Variants in NRP1 observed in about 807,000 individuals in gnomAD.
NRP1 encodes neuropilin 1.
NRP1 carries 35 observed loss-of-function variants against 106.7 expected under a neutral mutation model. The observed-to-expected ratio is 0.33, with a 90% CI of 0.25 to 0.43. The LOEUF is 0.43. Among genes scored for constraint, NRP1 ranks in the 20% least tolerant of loss-of-function variants. The pLI, the probability that NRP1 is intolerant of heterozygous loss-of-function variation, is 1.00. For missense variants in NRP1, 1,024 were observed against 1,170.4 expected (o/e 0.87, Z 1.83); for synonymous variants, 437 against 417.9 (o/e 1.05, Z -0.56).
intron 6 of NRP1, among the ~76,000 whole-genome samples, chr10:33,252,535 C>T (rs1186475428): frequency 6.6e-6 from 1 of 152,062 alleles, no homozygotes; most frequent in African/African-American, 2.4e-5. Context: ...GTTTCAGCAG[C>T]GGGGCACTGA....
At position 33,177,638 on chromosome 10, in the gene NRP1, C is replaced by T. The variant is rs1044268; in HGVS notation, c.*2438G>A. 24,880 of 152,506 alleles carry T rather than the reference C, an allele frequency of 0.16. 2,393 individuals carry two copies. Among genetic ancestry groups the T allele is most frequent in the East Asian group, 0.5 (2,566 of 5,172 alleles). 9.4% of individuals were successfully genotyped at this position (152,506 alleles called of 1,614,324 possible). ...CAAATGTCATTTAAAGTTAAGGCTTCGCTGTTCATTTTGAAACAACAATTT... is the reference window on the plus strand; with the variant it reads ...CAAATGTCATTTAAAGTTAAGGCTTTGCTGTTCATTTTGAAACAACAATTT... On this transcript the variant is annotated 3_prime_UTR_variant, in exon 17 of 17. Coordinates refer to ENST00000374867, the MANE Select transcript of NRP1 (RefSeq NM_003873.7).
At chr10:33,310,181 C>T (rs1384812152) in intron 2 of NRP1, among the ~76,000 whole-genome samples, 1 of 151,300 alleles carries the variant, frequency 6.6e-6, no homozygotes, top group African/African-American at 2.4e-5. Context: ...GATCTCCTGA[C>T]CTCATGATCT....
rs149298503 is a variant in NRP1 at position 33,292,050 on chromosome 10, C to T, written c.249-21194G>A. Among the ~76,000 whole-genome samples the T allele has an allele frequency of 3.2e-4, 49 of 152,254 alleles. No homozygotes were observed. In the East Asian group the frequency reaches 9.5e-3, roughly 29 times the overall value. On this transcript the variant is annotated intron_variant, in intron 2 of 16. Transcript: ENST00000374867. ...TCCAGAGTAGCTACGACTACAGGTG[C>T]ATGCCATCACACGTGGCTAATATTT...
In NRP1 at chr10:33,213,546, A is replaced by G. The variant is rs890641054; in HGVS notation, c.1454T>C (p.Leu485Pro). ...CTTCTCCTCCCCCAGGTCTATTTGG[A>G]GCCACTCATTGATGTAGGAATGAGG... is the stretch of plus-strand genomic sequence containing the variant. Reference protein sequence around the residue: ...PAPHSYINEWLQIDLGEEKIV... With the variant: ...PAPHSYINEWPQIDLGEEKIV... The change falls in exon 9 of 17, where the codon CTC becomes CCC. Residue 485 changes from leucine (L) to proline (P), a missense_variant. Physicochemically the swap from Leu to Pro is moderately conservative, Grantham distance 98. Coordinates refer to ENST00000374867, the MANE Select transcript of NRP1 (RefSeq NM_003873.7). 1 of 1,613,834 alleles carries G rather than the reference A, an allele frequency of 6.2e-7. No homozygotes were observed. Among genetic ancestry groups the G allele is most frequent in the Non-Finnish European group, 8.5e-7 (1 of 1,180,010 alleles).
intron 6 of NRP1, among the ~76,000 whole-genome samples, chr10:33,229,847 A>G (rs993836676): frequency 5.3e-5 from 8 of 152,184 alleles, no homozygotes; most frequent in Non-Finnish European, 1.2e-4. Context: ...CAGCAATGAA[A>G]TGCATTGGCA....
At chr10:33,203,467 T>G (rs946342613) in intron 10 of NRP1, among the ~76,000 whole-genome samples, 1 of 152,058 alleles carries the variant, frequency 6.6e-6, no homozygotes, top group African/African-American at 2.4e-5. Context: ...CCAAAGGGAG[T>G]CAACGTTCAC....
intron 7 of NRP1, 38 bp from the exon 8 acceptor site, chr10:33,221,901 T>C (rs753075034): frequency 5.7e-6 from 9 of 1,580,228 alleles, no homozygotes; most frequent in East Asian, 2.3e-5. Context: ...TTAGCAGAGG[T>C]TTTGGATTTA....
At chr10:33,274,830 C>G (rs903936687) in intron 2 of NRP1, among the ~76,000 whole-genome samples, 4 of 152,114 alleles carry the variant, frequency 2.6e-5, no homozygotes, top group African/African-American at 9.7e-5. Context: ...AATATGATGC[C>G]TGACATCATA....
At chr10:33,263,262 G>A (rs1842694786) in intron 4 of NRP1, among the ~76,000 whole-genome samples, 1 of 152,192 alleles carries the variant, frequency 6.6e-6, no homozygotes, top group South Asian at 2.1e-4. Flanking sequence ...GTGGTTTGAT[G>A]TAATGGAATT....
chr10:33,306,165 C>T (rs931810627), intron 2 of NRP1, among the ~76,000 whole-genome samples: 4 of 152,106 alleles, frequency 2.6e-5, no homozygotes, highest in Non-Finnish European at 5.9e-5. Flanking sequence ...ATTTTTCCCC[C>T]CAACTCTTTG....
rs1367359429 is a variant in NRP1 at position 33,334,549 on chromosome 10, G to A, written c.-167C>T. ...AAGCAGCGAGGCAATGCCTGGATCCGAGAGGAACGCTTCTCTTTTTGTGTC... is the reference window on the plus strand; with the variant it reads ...AAGCAGCGAGGCAATGCCTGGATCCAAGAGGAACGCTTCTCTTTTTGTGTC... On this transcript the variant is annotated 5_prime_UTR_variant, in exon 1 of 17. Coordinates refer to ENST00000374867, the MANE Select transcript of NRP1 (RefSeq NM_003873.7). 1.8e-6 allele frequency: 1 copy of A among 564,302 alleles called. No individual in the cohort carries two copies. The highest frequency in any genetic ancestry group is 3.1e-6 in the Non-Finnish European group (1 of 327,840). The allele number at this position is 564,302 out of a possible 1,614,324, so 35.0% of individuals were successfully genotyped here.
chr10:33,207,740 G>A lies in NRP1; in HGVS notation c.1615-24C>T, dbSNP rs201423916. The stretch of plus-strand genomic sequence containing the variant: ...GACTGTGAAGCATGGAAAACACAGG[G>A]CATTAAGGAAAAAAAAAAACAGAGC... On this transcript the variant is annotated intron_variant, in intron 9 of 16. Transcript: ENST00000374867. 79 of 1,597,236 alleles carry A rather than the reference G, an allele frequency of 4.9e-5. No homozygotes were observed. In the Middle Eastern group the frequency reaches 1.1e-3, roughly 22 times the overall value.
intron 6 of NRP1, among the ~76,000 whole-genome samples, chr10:33,247,419 A>G (rs1487112682): frequency 6.6e-6 from 1 of 152,200 alleles, no homozygotes; most frequent in East Asian, 1.9e-4. Flanking sequence ...TTGAATCATG[A>G]CAGAGCCATT....
intron 2 of NRP1, among the ~76,000 whole-genome samples, chr10:33,296,172 T>C: frequency 6.6e-6 from 1 of 152,214 alleles, no homozygotes; most frequent in East Asian, 1.9e-4. Context: ...TTGGAAATGT[T>C]TCCCTTTAAA....
In NRP1 at chr10:33,256,382, C is replaced by T. The variant is rs1842196440; in HGVS notation, c.748G>A (p.Asp250Asn). Reference protein sequence around the residue: ...SGILSMVFYTDSAIAKEGFSA... With the variant: ...SGILSMVFYTNSAIAKEGFSA... The stretch of plus-strand genomic sequence containing the variant: ...AAACCTTCTTTTGCTATCGCGCTGT[C>T]GGTGTAAAAAACCATGGAGAGAATG... The change falls in exon 5 of 17, where the codon GAC becomes AAC. Residue 250 changes from aspartate to asparagine, a missense_variant. Around this residue, in one of 5 missense-constraint regions of NRP1, gnomAD observed 279 missense variants for 327.4 expected, o/e 0.85. Coordinates refer to ENST00000374867, the MANE Select transcript of NRP1 (RefSeq NM_003873.7). 3 of 1,614,164 alleles carry T rather than the reference C, an allele frequency of 1.9e-6. No homozygotes were observed. Among genetic ancestry groups the T allele is most frequent in the South Asian group, 1.1e-5 (1 of 91,082 alleles).
At position 33,182,833 on chromosome 10, in the gene NRP1, G is replaced by GCACACACA. The variant is rs148435065; in HGVS notation, c.2432-93_2432-86dup. 1.7e-3 allele frequency: 1,272 copies of GCACACACA among 747,362 alleles called. 14 individuals are homozygous for GCACACACA. The African/African-American group carries it at 0.021, about 12-fold the overall frequency. The allele number at this position is 747,362 out of a possible 1,614,324, so 46.3% of individuals were successfully genotyped here. A position where few individuals can be genotyped will look rare whatever the true frequency, so the allele number is the denominator to read the frequency against. On this transcript the variant is annotated intron_variant, in intron 15 of 16. Coordinates refer to ENST00000374867, the MANE Select transcript of NRP1 (RefSeq NM_003873.7). Reference sequence around the variant, plus strand: ...AAACTACACAAACCTTTAGGTACATGCACACACACACACACACACACACAC... The same window carrying GCACACACA: ...AAACTACACAAACCTTTAGGTACATGCACACACACACACACACACACACACACACACAC...
intron 7 of NRP1, among the ~76,000 whole-genome samples, chr10:33,223,367 TTC>T (rs1839407734): frequency 6.6e-6 from 1 of 152,086 alleles, no homozygotes; most frequent in African/African-American, 2.4e-5. Flanking sequence ...ATGCCAGTAA[TTC>T]CAAAACTTTA....
intron 13 of NRP1, 56 bp from the exon 14 acceptor site, chr10:33,186,544 C>T: frequency 1.3e-6 from 2 of 1,543,696 alleles, no homozygotes; most frequent in Non-Finnish European, 1.8e-6. Flanking sequence ...ACACTTTTAT[C>T]TCTCTTCTTT....
At position 33,241,223 on chromosome 10, in the gene NRP1, CTG is replaced by C. The variant is rs1158814221; in HGVS notation, c.981+12803_981+12804del. 2.6e-5 allele frequency among the ~76,000 whole-genome samples: 4 copies of C among 152,274 alleles called. No individual in the cohort carries two copies. The East Asian group carries it at 7.7e-4, about 29-fold the overall frequency. ...AATGTTACCCAGTTATCTGTGGTTT[CTG>C]TGCTCCTCTTGGGAGAAAGGGGCAA... On this transcript the variant is annotated intron_variant, in intron 6 of 16. Coordinates refer to ENST00000374867, the MANE Select transcript of NRP1 (RefSeq NM_003873.7).
Sources: allele counts gnomAD v4.1 joint callset (sites outside exome capture counted in the v4.1 genomes callset), GRCh38; gene constraint gnomAD v4.1.1; regional missense constraint gnomAD v4.1.1; transcripts MANE v1.5; gene names NCBI Gene and HGNC (gene_info 2026-07-23, HGNC 2026-07-21).